The following CYP11A1 variants were observed in gnomAD, a reference collection of about 807,000 sequenced individuals.
The protein encoded by CYP11A1 is cytochrome P450 family 11 subfamily A member 1.
Under a neutral mutation model 51.9 loss-of-function variants are expected in CYP11A1, and 25 were observed. The ratio of observed to expected loss-of-function variants is 0.48; its 90% CI spans 0.35 to 0.67. The LOEUF is 0.67. Among genes scored for constraint, CYP11A1 ranks in the 30% least tolerant of loss-of-function variants. CYP11A1 has a pLI of 0.00. For synonymous variants in CYP11A1, 245 were observed against 262.1 expected, an observed-to-expected ratio of 0.93 and a Z score of 0.63; for missense variants, 578 against 680.9, an observed-to-expected ratio of 0.85 and a Z score of 1.68.
intron 3 of CYP11A1, chr15:74,344,816 G>C: frequency 1.7e-6 from 1 of 592,862 alleles, no homozygotes; most frequent in Non-Finnish European, 3.1e-6. Context: ...TGCCAGATGA[G>C]AGAGAATGCC....
chr15:74,345,365 C>T lies in CYP11A1; in HGVS notation c.426-122G>A, dbSNP rs547510366. 1.8e-4 allele frequency: 182 copies of T among 1,023,600 alleles called. 1 individual carries two copies. Among genetic ancestry groups the T allele is most frequent in the Non-Finnish European group, 2.6e-4 (173 of 666,866 alleles). The allele number at this position is 1,023,600 out of a possible 1,614,324, so 63.4% of individuals were successfully genotyped here. A position where few individuals can be genotyped will look rare whatever the true frequency, so the allele number is the denominator to read the frequency against. On this transcript the variant is annotated intron_variant, in intron 2 of 8. Coordinates refer to ENST00000268053, the MANE Select transcript of CYP11A1 (RefSeq NM_000781.3). The surrounding 1 kb of genome is among the most constrained non-coding windows in gnomAD (Gnocchi z 4.3). Reference sequence around the variant, plus strand: ...CAGCTCACAGCATCCAGCACTCCCACCAGGGCCTCTGCCCTCACCTCTCCG... The same window carrying T: ...CAGCTCACAGCATCCAGCACTCCCATCAGGGCCTCTGCCCTCACCTCTCCG...
At position 74,367,634 on chromosome 15, in the gene CYP11A1, C is replaced by G. The variant is rs1226770918; in HGVS notation, c.-49G>C. The stretch of plus-strand genomic sequence containing the variant: ...ACCTGCTCCACTTCAGCGGGGACTG[C>G]TAGGATGACTGTAGCCCTGGGCCAC... On this transcript the variant is annotated 5_prime_UTR_variant, in exon 1 of 9. Transcript: ENST00000268053. 2 of 1,598,840 alleles carry G rather than the reference C, an allele frequency of 1.3e-6. No individual in the cohort carries two copies. The highest frequency in any genetic ancestry group is 1.7e-6 in the Non-Finnish European group (2 of 1,173,722).
At chr15:74,339,410 A>C in intron 6 of CYP11A1, 95 bp from the exon 7 acceptor site, 1 of 1,447,532 alleles carries the variant, frequency 6.9e-7, no homozygotes, top group Admixed American at 1.7e-5. Context: ...CCCTAGCTGC[A>C]GCAGCCTGGG....
chr15:74,358,943 A>G (rs538567286), intron 1 of CYP11A1, among the ~76,000 whole-genome samples: 1 of 152,314 alleles, frequency 6.6e-6, no homozygotes, highest in Non-Finnish European at 1.5e-5. Flanking sequence ...TCCAACTTAA[A>G]AAAAGGACTC....
chr15:74,346,410 C>T (rs1158980784), intron 2 of CYP11A1, among the ~76,000 whole-genome samples: 1 of 149,442 alleles, frequency 6.7e-6, no homozygotes, highest in Non-Finnish European at 1.5e-5. Flanking sequence ...CTTTGCCAGA[C>T]TTGCTTTTTT....
chr15:74,339,631 TAGC>T lies in CYP11A1; in HGVS notation c.1110_1112del (p.Met370_Leu371delinsIle). ...TGGCTTTGAGGAGGGGGACCAGCTG[TAGC>T]ATCGTGGCCATGTCTCCCTGGGCCT... On this transcript the variant is annotated inframe_deletion, in exon 6 of 9. Transcript: ENST00000268053. The T allele has an allele frequency of 6.2e-7, 1 of 1,614,118 alleles. No homozygotes were observed. The highest frequency in any genetic ancestry group is 8.5e-7 in the Non-Finnish European group (1 of 1,179,988).
intron 1 of CYP11A1, among the ~76,000 whole-genome samples, chr15:74,365,115 C>G (rs1459463680): frequency 6.6e-6 from 1 of 152,018 alleles, no homozygotes; most frequent in Non-Finnish European, 1.5e-5. Flanking sequence ...AAAGACCTTT[C>G]ACTTAAAGGA....
chr15:74,347,352 G>T (rs2930307), intron 2 of CYP11A1, among the ~76,000 whole-genome samples: 1,981 of 152,236 alleles, frequency 0.013, 40 homozygotes, highest in African/African-American at 0.045. Flanking sequence ...AGGCTGCTGT[G>T]AGCCATGATC....
Position 74,337,990 on chromosome 15 carries a change from C to T in CYP11A1, c.1548G>A (p.Gln516=). 1 of 1,614,120 alleles carries T rather than the reference C, an allele frequency of 6.2e-7. No homozygotes were observed. The change falls in exon 9 of 9, where the codon CAG becomes CAA. Residue 516 remains glutamine (Q), a synonymous_variant. Transcript: ENST00000268053. The stretch of plus-strand genomic sequence containing the variant: ...TCTCTGATCACTGCTGGGTTGCTTC[C>T]TGGTTAAAGGGCCAGAAGGTGAAGG... ...PISFTFWPFN[Q]EATQQ
At chr15:74,354,912 G>C (rs1005517580) in intron 1 of CYP11A1, among the ~76,000 whole-genome samples, 2 of 152,148 alleles carry the variant, frequency 1.3e-5, no homozygotes, top group African/African-American at 4.8e-5. Flanking sequence ...TCACTGCGGG[G>C]ATGCCTGCTT....
chr15:74,338,728 G>T lies in CYP11A1; in HGVS notation c.1277C>A (p.Pro426His). The change falls in exon 8 of 9, where the codon CCC becomes CAC. Residue 426 changes from proline to histidine, a missense_variant. Coordinates refer to ENST00000268053, the MANE Select transcript of CYP11A1 (RefSeq NM_000781.3). Reference sequence around the variant, plus strand: ...ATTTTCCGGGTCGAAGAAGAAGGTGGGCTCTCGGCCCAGAGCATAGATGGC... The same window carrying T: ...ATTTTCCGGGTCGAAGAAGAAGGTGTGCTCTCGGCCCAGAGCATAGATGGC... ...QVAIYALGRE[P>H]TFFFDPENFD... The T allele has an allele frequency of 1.2e-6, 2 of 1,614,118 alleles. No homozygotes were observed. Among genetic ancestry groups the T allele is most frequent in the South Asian group, 2.2e-5 (2 of 91,076 alleles).
chr15:74,340,265 G>A (rs1349042736), intron 5 of CYP11A1, among the ~76,000 whole-genome samples: 1 of 152,242 alleles, frequency 6.6e-6, no homozygotes, highest in South Asian at 2.1e-4. Flanking sequence ...CCAGCCGGAT[G>A]TTTCCTATCA....
At chr15:74,362,325 C>T (rs2060712484) in intron 1 of CYP11A1, 1 of 228,082 alleles carries the variant, frequency 4.4e-6, no homozygotes, top group Non-Finnish European at 8.6e-6. Flanking sequence ...GCCATTTAAA[C>T]ATTTTATAAA....
At chr15:74,365,788 A>C (rs2060729534) in intron 1 of CYP11A1, 1 of 985,546 alleles carries the variant, frequency 1.0e-6, no homozygotes, top group Non-Finnish European at 1.2e-6. Flanking sequence ...GGCAGAGGCC[A>C]GCAGAGGCGA....
intron 2 of CYP11A1, among the ~76,000 whole-genome samples, 186 bp downstream of exon 2, chr15:74,347,711 TTCA>T (rs371547447): frequency 1.6e-3 from 242 of 152,068 alleles, no homozygotes; most frequent in African/African-American, 5.4e-3. Context: ...GGCAGAGCAA[TTCA>T]TCATCATCAT....
intron 1 of CYP11A1, chr15:74,348,368 C>T: frequency 2.6e-6 from 1 of 390,314 alleles, no homozygotes; most frequent in Non-Finnish European, 4.8e-6. Context: ...CCAAAGCCAC[C>T]CCCGAGCCTT....
chr15:74,363,760 A>C (rs1056801618), intron 1 of CYP11A1: 2 of 152,256 alleles, frequency 1.3e-5, no homozygotes, highest in Non-Finnish European at 2.9e-5. Flanking sequence ...TATAAATGAC[A>C]TGCTGAGACC....
intron 1 of CYP11A1, chr15:74,366,078 G>T: frequency 1.0e-6 from 1 of 985,546 alleles, no homozygotes. Context: ...GGGCTGTGTC[G>T]AGGGGAGGCG....
At chr15:74,338,873 C>T in intron 7 of CYP11A1, 105 bp from the exon 8 acceptor site, 3 of 1,021,166 alleles carry the variant, frequency 2.9e-6, no homozygotes, top group East Asian at 2.6e-5. Flanking sequence ...ACTCCCACTC[C>T]CCAGCATGGC....
Sources: gnomAD v4.1 joint callset for allele counts (sites outside exome capture counted in the v4.1 genomes callset) on GRCh38, gnomAD v4.1.1 for gene constraint, Gnocchi (gnomAD v3.1) non-coding constraint, MANE v1.5 for transcripts, NCBI Gene and HGNC (gene_info 2026-07-23, HGNC 2026-07-21) for gene names.